The following ABHD10 variants were observed in gnomAD, a reference collection of about 807,000 sequenced individuals.
The protein encoded by ABHD10 is abhydrolase domain containing 10, depalmitoylase, also known as palmitoyl-protein thioesterase ABHD10, mitochondrial.
Under a neutral mutation model 33.1 loss-of-function variants are expected in ABHD10, and 22 were observed. The ratio of observed to expected loss-of-function variants is 0.66; its 90% CI spans 0.47 to 0.95. The LOEUF is 0.95. ABHD10 is among the 40% of genes least tolerant of loss of function. The probability of loss-of-function intolerance (pLI) is 0.00; values close to 1 mark genes in which losing one functional copy is unlikely to be tolerated. For synonymous variants in ABHD10, 146 were observed against 133.9 expected, an observed-to-expected ratio of 1.09 and a Z score of -0.62; for missense variants, 352 against 379.9, an observed-to-expected ratio of 0.93 and a Z score of 0.61.
chr3:111,980,471 G>A (rs1254365761), intron 1 of ABHD10, among the ~76,000 whole-genome samples: 5 of 151,984 alleles, frequency 3.3e-5, no homozygotes, highest in Admixed American at 1.3e-4. Flanking sequence ...AGTGGAGGAC[G>A]GCTTCATTTA....
At chr3:111,983,030 T>C (rs889891522) in intron 2 of ABHD10, among the ~76,000 whole-genome samples, 1 of 152,186 alleles carries the variant, frequency 6.6e-6, no homozygotes, top group Non-Finnish European at 1.5e-5. Context: ...TACTGAGTGC[T>C]GCATAATAAC....
At position 111,986,254 on chromosome 3, in the gene ABHD10, C is replaced by T. The variant is rs781196719; in HGVS notation, c.327-10C>T. 1.3e-6 allele frequency: 2 copies of T among 1,569,056 alleles called. No individual in the cohort carries two copies. Among genetic ancestry groups the T allele is most frequent in the South Asian group, 1.1e-5 (1 of 87,984 alleles). On this transcript the variant is annotated splice_polypyrimidine_tract_variant and intron_variant, in intron 2 of 4. Transcript: ENST00000273359. Reference sequence around the variant, plus strand: ...ATATTTAGATATAGATTTTTTTCCCCTTTTTCCAGGTTTGATTACTCAGGA... The same window carrying T: ...ATATTTAGATATAGATTTTTTTCCCTTTTTTCCAGGTTTGATTACTCAGGA...
At chr3:111,986,428 G>GTTCGT (rs1553758448) in intron 3 of ABHD10, 53 bp downstream of exon 3, 2 of 1,014,984 alleles carry the variant, frequency 2.0e-6, no homozygotes, top group Admixed American at 2.0e-5. Flanking sequence ...TATTTAAGCT[G>GTTCGT]TTTGTTTTGT....
intron 1 of ABHD10, among the ~76,000 whole-genome samples, chr3:111,980,426 C>G (rs1307646862): frequency 6.6e-6 from 1 of 152,070 alleles, no homozygotes; most frequent in African/African-American, 2.4e-5. Context: ...TAGCAGCACA[C>G]ATGGATTCTC....
At chr3:111,979,316 C>T in intron 1 of ABHD10, 113 bp downstream of exon 1, 1 of 1,233,068 alleles carries the variant, frequency 8.1e-7, no homozygotes, top group East Asian at 2.6e-5. Flanking sequence ...TGCTCCTCCC[C>T]CTTTCTCAAC....
intron 1 of ABHD10, among the ~76,000 whole-genome samples, chr3:111,979,595 AG>A (rs2107707831): frequency 6.6e-6 from 1 of 152,362 alleles, no homozygotes; most frequent in East Asian, 1.9e-4. Context: ...CTTTGAGTTT[AG>A]GGAACCTAAC....
intron 4 of ABHD10, chr3:111,990,735 A>G: frequency 1.4e-6 from 2 of 1,419,342 alleles, no homozygotes; most frequent in Non-Finnish European, 9.3e-7. Context: ...CTTTACATTC[A>G]GCCTAAAATT....
In ABHD10 at chr3:111,981,845, T is replaced by C; in HGVS notation, c.204T>C (p.Tyr68=). The C allele has an allele frequency of 1.2e-6, 2 of 1,606,792 alleles. No homozygotes were observed. The highest frequency in any genetic ancestry group is 1.7e-6 in the Non-Finnish European group (2 of 1,174,734). ...GACCAGACCTTCCAAACCTGGCTTATAAGAAGCTAAAAGGCAAAAGTCCAG... is the reference window on the plus strand; with the variant it reads ...GACCAGACCTTCCAAACCTGGCTTACAAGAAGCTAAAAGGCAAAAGTCCAG... The part of the protein sequence containing the change: ...LNRPDLPNLA[Y]KKLKGKSPGI... The change falls in exon 2 of 5, where the codon TAT becomes TAC. Residue 68 remains tyrosine, a synonymous_variant. Transcript: ENST00000273359.
At chr3:111,983,436 A>T (rs577142259) in intron 2 of ABHD10, among the ~76,000 whole-genome samples, 14 of 152,140 alleles carry the variant, frequency 9.2e-5, no homozygotes, top group Non-Finnish European at 1.8e-4. Context: ...ATAAGACATA[A>T]TGTGGCTTTT....
chr3:111,990,314 G>A (rs1281497218), intron 4 of ABHD10, among the ~76,000 whole-genome samples: 1 of 151,764 alleles, frequency 6.6e-6, no homozygotes, highest in Non-Finnish European at 1.5e-5. Context: ...TAAATAAACA[G>A]CATAGAAAAC....
intron 4 of ABHD10, chr3:111,990,747 C>T (rs1046212869): frequency 7.2e-7 from 1 of 1,394,470 alleles, no homozygotes; most frequent in Non-Finnish European, 9.5e-7. Flanking sequence ...CCTAAAATTG[C>T]ATGAGTATGT....
In ABHD10 at chr3:111,981,984, A is replaced by G. The variant is rs375883415; in HGVS notation, c.326+17A>G. On this transcript the variant is annotated intron_variant, in intron 2 of 4. Transcript: ENST00000273359. ...CTGCATAAGGTAGGAACAACACATT[A>G]CTGAGAAAATATTGCTACTGTTAGC... The G allele has an allele frequency of 1.1e-4, 156 of 1,466,744 alleles. No homozygotes were observed. Among genetic ancestry groups the G allele is most frequent in the Admixed American group, 5.1e-4 (27 of 52,770 alleles). 90.9% of individuals were successfully genotyped at this position (1,466,744 alleles called of 1,614,324 possible).
Position 111,991,904 on chromosome 3 carries a change from T to G in ABHD10, c.*183T>G, listed in dbSNP as rs1469356597. The G allele has an allele frequency of 2.0e-6, 1 of 500,362 alleles. No homozygotes were observed. Among genetic ancestry groups the G allele is most frequent in the East Asian group, 3.6e-5 (1 of 27,834 alleles). 31.0% of individuals were successfully genotyped at this position (500,362 alleles called of 1,614,324 possible). The stretch of plus-strand genomic sequence containing the variant: ...TTGTGAAGAAGGACCAGCTGCTGTT[T>G]AGAAAATTTTCTCCTTCCTTCTGTC... On this transcript the variant is annotated 3_prime_UTR_variant, in exon 5 of 5. Transcript: ENST00000273359.
intron 4 of ABHD10, among the ~76,000 whole-genome samples, chr3:111,988,779 G>T (rs968117986): frequency 5.3e-5 from 8 of 151,856 alleles, no homozygotes; most frequent in Non-Finnish European, 1.0e-4. Flanking sequence ...TTGTAGCGAT[G>T]GGGTCTCGCC....
At position 111,979,410 on chromosome 3, in the gene ABHD10, C is replaced by T. The variant is rs143607081; in HGVS notation, c.142+207C>T. Among the ~76,000 whole-genome samples, 770 of 152,358 alleles carry T rather than the reference C, an allele frequency of 5.1e-3. 9 individuals are homozygous for T. Among genetic ancestry groups the T allele is most frequent in the African/African-American group, 0.018 (730 of 41,588 alleles). ...CGGCCCTGCGGCATTCTGGGCACCC[C>T]GGGCCCTCGCTGGCGTTTTACACTG... On this transcript the variant is annotated intron_variant, in intron 1 of 4. Transcript: ENST00000273359.
intron 2 of ABHD10, among the ~76,000 whole-genome samples, chr3:111,982,698 AAGG>A (rs539391369): frequency 5.5e-4 from 84 of 152,264 alleles, no homozygotes; most frequent in Middle Eastern, 3.4e-3. Context: ...TCATCAAAAG[AAGG>A]AGGTTGGACT....
At chr3:111,989,638 C>G (rs886362768) in intron 4 of ABHD10, among the ~76,000 whole-genome samples, 4 of 152,130 alleles carry the variant, frequency 2.6e-5, no homozygotes, top group African/African-American at 9.7e-5. Flanking sequence ...CAGAAACAAT[C>G]CTGAGTAGCT....
intron 3 of ABHD10, 91 bp downstream of exon 3, chr3:111,986,466 C>T (rs1045158060): frequency 1.7e-5 from 15 of 889,254 alleles, no homozygotes; most frequent in Middle Eastern, 5.0e-4. Context: ...GATGGAGTCT[C>T]GTGCTGTCAC....
intron 2 of ABHD10, among the ~76,000 whole-genome samples, chr3:111,985,163 G>T (rs1559936379): frequency 3.3e-5 from 5 of 152,160 alleles, no homozygotes; most frequent in African/African-American, 9.7e-5. Context: ...AGCTGTTCTT[G>T]GCAGCAGAAC....
Sources: gnomAD v4.1 joint callset for allele counts (sites outside exome capture counted in the v4.1 genomes callset) on GRCh38, gnomAD v4.1.1 for gene constraint, MANE v1.5 for transcripts, NCBI Gene and HGNC (gene_info 2026-07-23, HGNC 2026-07-21) for gene names.